CTBP2: variants seen among roughly 807,000 people sequenced by gnomAD.
CTBP2 encodes the protein C-terminal-binding protein 2.
A neutral mutation model predicts 80.3 loss-of-function variants in CTBP2; 30 were observed. The ratio of observed to expected loss-of-function variants is 0.37; its 90% CI spans 0.28 to 0.51. The LOEUF is 0.51. CTBP2 is among the 20% of genes least tolerant of loss of function. The probability of loss-of-function intolerance (pLI) is 0.93; values close to 1 mark genes in which losing one functional copy is unlikely to be tolerated. For missense variants in CTBP2, 1,212 were observed against 1,375.3 expected (o/e 0.88, Z 1.88); for synonymous variants, 594 against 587.4 (o/e 1.01, Z -0.16).
intron 3 of CTBP2, chr10:124,999,768 C>T (rs1325810360): frequency 6.6e-6 from 1 of 152,264 alleles, no homozygotes; most frequent in African/African-American, 2.4e-5. Flanking sequence ...GGGGCTTGAT[C>T]ACATGCCATG....
intron 2 of CTBP2, among the ~76,000 whole-genome samples, chr10:125,045,774 GC>G (rs1420880391): frequency 1.3e-5 from 2 of 152,312 alleles, no homozygotes; most frequent in East Asian, 3.9e-4. Context: ...ACAGGCGTGA[GC>G]CACCAAGCCC....
chr10:125,031,413 C>T (rs1022708545), upstream of CTBP2, among the ~76,000 whole-genome samples: 20 of 127,942 alleles, frequency 1.6e-4, no homozygotes, highest in Non-Finnish European at 2.2e-4. Context: ...GGCGTGAACC[C>T]GGGAGGTGCA....
At chr10:125,035,493 A>G (rs905682287) in intron 3 of CTBP2, among the ~76,000 whole-genome samples, 7 of 152,244 alleles carry the variant, frequency 4.6e-5, no homozygotes, top group Non-Finnish European at 7.3e-5. Context: ...CAGTAAAACG[A>G]AACACATACT....
At chr10:125,118,953 G>C (rs1355174111) in intron 1 of CTBP2, among the ~76,000 whole-genome samples, 1 of 152,240 alleles carries the variant, frequency 6.6e-6, no homozygotes, top group Non-Finnish European at 1.5e-5. Context: ...GAACCTGCCA[G>C]AAGGAGCGGA....
chr10:125,021,890 A>G (rs1414634459), intron 1 of CTBP2, among the ~76,000 whole-genome samples: 2 of 152,368 alleles, frequency 1.3e-5, no homozygotes, highest in Middle Eastern at 3.4e-3. Flanking sequence ...GGAACCGTTC[A>G]GCTGCTCTTG....
chr10:125,131,709 C>T (rs189596767), intron 1 of CTBP2, among the ~76,000 whole-genome samples: 2 of 152,300 alleles, frequency 1.3e-5, no homozygotes, highest in African/African-American at 4.8e-5. Flanking sequence ...GCTCATGTTC[C>T]TAATGGGCAA....
At chr10:125,031,378 A>C (rs1958173250), upstream of CTBP2, among the ~76,000 whole-genome samples, 2 of 148,234 alleles carry the variant, frequency 1.3e-5, no homozygotes, top group Non-Finnish European at 3.0e-5. Flanking sequence ...AATCCCAGCT[A>C]CTCGGGAGGC....
At chr10:125,094,983 G>A (rs906368869) in intron 2 of CTBP2, among the ~76,000 whole-genome samples, 3 of 152,040 alleles carry the variant, frequency 2.0e-5, no homozygotes, top group Admixed American at 6.6e-5. Flanking sequence ...CTGAAGAAGC[G>A]CGGAGGAAGC....
Position 125,066,448 on chromosome 10 carries a change from G to A in CTBP2, c.-101-27293C>T, listed in dbSNP as rs1209977812. On this transcript the variant is annotated intron_variant, in intron 2 of 10. Transcript: ENST00000337195. The surrounding 1 kb of genome is among the most constrained non-coding windows in gnomAD (Gnocchi z 4.1). ...GGCAGGAACGGAAGGCAAGCAGGGT[G>A]CGCAGATGTAACGGGGGAAGCAGGC... Among the ~76,000 whole-genome samples, 2 of 152,216 alleles carry A rather than the reference G, an allele frequency of 1.3e-5. No individual in the cohort carries two copies. Among genetic ancestry groups the A allele is most frequent in the Admixed American group, 6.5e-5 (1 of 15,284 alleles).
intron 2 of CTBP2, among the ~76,000 whole-genome samples, chr10:125,059,650 A>G (rs1454814266): frequency 1.3e-5 from 2 of 152,106 alleles, no homozygotes; most frequent in Non-Finnish European, 2.9e-5. Flanking sequence ...CCATTAGCCT[A>G]ATGTCCACGC....
At chr10:125,036,666 GGGGTGTGTGTGTGTGTGTGTGTGTGTGT>G (rs1429117003) in intron 3 of CTBP2, among the ~76,000 whole-genome samples, 1 of 100,326 alleles carries the variant, frequency 1.0e-5, no homozygotes, top group East Asian at 2.6e-4. Context: ...AAAGCTAGAG[GGGGTGTGTGTGTGTGTGTGTGTGTGTGT>G]GTGTGTGTGT....
intron 2 of CTBP2, among the ~76,000 whole-genome samples, chr10:125,079,304 G>C (rs1029891705): frequency 2.0e-5 from 3 of 152,198 alleles, no homozygotes; most frequent in African/African-American, 7.2e-5. Flanking sequence ...GCCTTTCACA[G>C]CCACTGGCTC....
chr10:125,119,796 T>C (rs1854005815), intron 1 of CTBP2, among the ~76,000 whole-genome samples: 1 of 152,236 alleles, frequency 6.6e-6, no homozygotes. Context: ...GAGCATGATT[T>C]CCTATAATAT....
At chr10:125,053,778 T>C (rs1224057943) in intron 2 of CTBP2, among the ~76,000 whole-genome samples, 1 of 151,866 alleles carries the variant, frequency 6.6e-6, no homozygotes, top group Non-Finnish European at 1.5e-5. Context: ...GGAAGGGAAA[T>C]GGGAACTTCA....
intron 1 of CTBP2, among the ~76,000 whole-genome samples, chr10:125,121,352 G>A (rs1199671871): frequency 6.6e-6 from 1 of 152,196 alleles, no homozygotes; most frequent in Non-Finnish European, 1.5e-5. Context: ...TGGTGAATTC[G>A]AGAATCCACA....
chr10:125,117,917 T>G (rs1022166866), intron 1 of CTBP2, among the ~76,000 whole-genome samples: 2 of 152,204 alleles, frequency 1.3e-5, no homozygotes, highest in Admixed American at 6.5e-5. Flanking sequence ...GAGTCTCAAC[T>G]CTGAGAAGAA....
At chr10:125,110,920 T>C (rs1852198242) in intron 2 of CTBP2, 70 bp downstream of exon 2, 2 of 152,470 alleles carry the variant, frequency 1.3e-5, no homozygotes, top group African/African-American at 2.4e-5. Flanking sequence ...CATCAACTAA[T>C]TGAACACACA....
chr10:125,045,713 A>G (rs1961069828), intron 2 of CTBP2, among the ~76,000 whole-genome samples: 1 of 151,746 alleles, frequency 6.6e-6, no homozygotes, highest in African/African-American at 2.4e-5. Context: ...CTGGTCTCAA[A>G]CTCCTGACTT....
chr10:125,067,952 T>C (rs545791730), intron 2 of CTBP2, among the ~76,000 whole-genome samples: 10 of 152,292 alleles, frequency 6.6e-5, no homozygotes, highest in Non-Finnish European at 1.5e-4. Context: ...ACCCCCAATT[T>C]CACCTCTCCT....
Sources: gnomAD v4.1 joint callset for allele counts (sites outside exome capture counted in the v4.1 genomes callset) on GRCh38, gnomAD v4.1.1 for gene constraint, Gnocchi (gnomAD v3.1) non-coding constraint, MANE v1.5 for transcripts, NCBI Gene and HGNC (gene_info 2026-07-23, HGNC 2026-07-21) for gene names.